GRID2: variants seen among roughly 807,000 people sequenced by gnomAD.
GRID2 encodes the protein glutamate ionotropic receptor delta type subunit 2.
In GRID2, 33 loss-of-function variants were observed where a neutral mutation model predicts 114.8. That is an observed-to-expected ratio of 0.29 (90% confidence interval 0.22 to 0.38). The LOEUF is 0.38. GRID2 is among the 10% of genes least tolerant of loss of function. The pLI, the probability that GRID2 is intolerant of heterozygous loss-of-function variation, is 1.00. For synonymous variants in GRID2, 505 were observed against 449.9 expected (o/e 1.12, Z -1.55); for missense variants, 1,184 against 1,257.7 (o/e 0.94, Z 0.89).
At chr4:93,678,025 T>C (rs1430953028) in intron 14 of GRID2, among the ~76,000 whole-genome samples, 2 of 151,954 alleles carry the variant, frequency 1.3e-5, no homozygotes, top group Non-Finnish European at 2.9e-5. Flanking sequence ...AGTTGAAAAC[T>C]TGGAAAAAAT....
intron 2 of GRID2, among the ~76,000 whole-genome samples, chr4:92,959,057 C>CTT (rs74267681): frequency 1.6e-4 from 11 of 70,856 alleles, no homozygotes; most frequent in African/African-American, 5.0e-4. Context: ...GTCCACTCTT[C>CTT]TTTTTTTTTT....
chr4:93,700,099 A>T (rs190396104), intron 14 of GRID2, among the ~76,000 whole-genome samples: 2 of 152,222 alleles, frequency 1.3e-5, no homozygotes, highest in East Asian at 3.9e-4. Context: ...TTACCCAAAG[A>T]TAGTTTAAGG....
chr4:93,784,908 G>A (rs767547238), intron 1 of GRID2, among the ~76,000 whole-genome samples: 7 of 152,176 alleles, frequency 4.6e-5, no homozygotes, highest in Non-Finnish European at 1.0e-4. Context: ...AAATAGTCCA[G>A]AGTATTTTGA....
chr4:92,794,905 T>TATATATATATATATATATATACAC (rs745392261), intron 2 of GRID2, among the ~76,000 whole-genome samples: 14 of 127,798 alleles, frequency 1.1e-4, no homozygotes, highest in African/African-American at 3.7e-4. Flanking sequence ...TATATATATA[T>TATATATATATATATATATATACAC]ACACACACAC....
In GRID2 at chr4:93,318,023, T is replaced by TATATATATATATATATA. The variant is rs1560493013; in HGVS notation, c.1246-77583_1246-77582insTATATATATATATATAA. On this transcript the variant is annotated intron_variant, in intron 8 of 15. Coordinates refer to ENST00000282020, the MANE Select transcript of GRID2 (RefSeq NM_001510.4). ...TATATATATATATATATATATATAT[T>TATATATATATATATATA]ACTACTTTCTTCAAGCAGTTGGTGA... Among the ~76,000 whole-genome samples, 10 of 70,818 alleles carry TATATATATATATATATA rather than the reference T, an allele frequency of 1.4e-4. No individual in the cohort carries two copies. In the Admixed American group the frequency reaches 1.4e-3, roughly 10 times the overall value. The allele number at this position is 70,818 out of a possible 152,430, so 46.5% of individuals were successfully genotyped here. A position where few individuals can be genotyped will look rare whatever the true frequency, so the allele number is the denominator to read the frequency against.
Position 92,869,792 on chromosome 4 carries a change from A to T in GRID2, c.245-215203A>T, listed in dbSNP as rs1448958620. Among the ~76,000 whole-genome samples the T allele has an allele frequency of 3.9e-5, 6 of 152,180 alleles. No individual in the cohort carries two copies. In the East Asian group the frequency reaches 1.2e-3, roughly 29 times the overall value. ...CTCTTCCCCTAAAAGTAGTCAGAGC[A>T]TGGTTGTGTCTTTCTCATCATTCAA... On this transcript the variant is annotated intron_variant, in intron 2 of 15. Coordinates refer to ENST00000282020, the MANE Select transcript of GRID2 (RefSeq NM_001510.4).
chr4:93,289,326 CT>C (rs147042816), intron 8 of GRID2, among the ~76,000 whole-genome samples: 28 of 151,944 alleles, frequency 1.8e-4, no homozygotes, highest in African/African-American at 6.0e-4. Flanking sequence ...TTTCTCCTGT[CT>C]TTTTTTTAAG....
At chr4:93,313,180 G>C (rs1024333739) in intron 8 of GRID2, among the ~76,000 whole-genome samples, 1 of 152,076 alleles carries the variant, frequency 6.6e-6, no homozygotes, top group Non-Finnish European at 1.5e-5. Flanking sequence ...CAGGAAAAAG[G>C]GACATTGACA....
At chr4:92,464,135 A>G (rs1297711502) in intron 1 of GRID2, among the ~76,000 whole-genome samples, 3 of 151,904 alleles carry the variant, frequency 2.0e-5, no homozygotes, top group Admixed American at 6.6e-5. Context: ...TTCCTATTCT[A>G]TCATGTATGT....
At chr4:93,353,872 C>T (rs906919337) in intron 8 of GRID2, among the ~76,000 whole-genome samples, 3 of 151,978 alleles carry the variant, frequency 2.0e-5, no homozygotes, top group African/African-American at 7.2e-5. Context: ...ATAATGTTCA[C>T]AGTAGCAAGA....
At chr4:93,799,740 T>C (rs1046386554) in intron 1 of GRID2, among the ~76,000 whole-genome samples, 1 of 152,204 alleles carries the variant, frequency 6.6e-6, no homozygotes, top group Non-Finnish European at 1.5e-5. Flanking sequence ...TGTTTCTTTA[T>C]GTAATTAAAA....
chr4:93,093,239 G>A (rs1029568048), intron 3 of GRID2, among the ~76,000 whole-genome samples: 5 of 151,966 alleles, frequency 3.3e-5, no homozygotes, highest in Non-Finnish European at 5.9e-5. Flanking sequence ...TCAGGCTTTC[G>A]GTTTCAGTTA....
intron 1 of GRID2, among the ~76,000 whole-genome samples, chr4:92,468,008 A>G (rs562901068): frequency 8.6e-5 from 13 of 152,010 alleles, no homozygotes; most frequent in Middle Eastern, 3.4e-3. Context: ...AAGCTGGATT[A>G]TCAATACTAT....
At chr4:93,633,406 T>G (rs1721120610) in intron 14 of GRID2, among the ~76,000 whole-genome samples, 1 of 152,114 alleles carries the variant, frequency 6.6e-6, no homozygotes, top group African/African-American at 2.4e-5. Flanking sequence ...ACTTTACCTC[T>G]TGTTTCCTAC....
At chr4:93,528,491 A>G (rs1286610930) in intron 13 of GRID2, among the ~76,000 whole-genome samples, 5 of 151,660 alleles carry the variant, frequency 3.3e-5, no homozygotes, top group Admixed American at 3.3e-4. Context: ...GGTATGGGAT[A>G]GAAATCATGT....
chr4:92,783,128 T>C (rs144111198), intron 2 of GRID2, among the ~76,000 whole-genome samples: 1 of 152,252 alleles, frequency 6.6e-6, no homozygotes, highest in African/African-American at 2.4e-5. Flanking sequence ...ATGTTATGCT[T>C]ATAAAATTAT....
At chr4:92,552,096 G>C (rs1419052376) in intron 1 of GRID2, among the ~76,000 whole-genome samples, 2 of 152,044 alleles carry the variant, frequency 1.3e-5, no homozygotes, top group Non-Finnish European at 2.9e-5. Context: ...TTCAAAATTG[G>C]AATTTAGATG....
chr4:92,897,650 T>A (rs1255554062), intron 2 of GRID2, among the ~76,000 whole-genome samples: 1 of 152,152 alleles, frequency 6.6e-6, no homozygotes, highest in African/African-American at 2.4e-5. Flanking sequence ...CTTCCCTAAT[T>A]TGAGAAAGTC....
chr4:93,486,879 C>A (rs1726462841), intron 11 of GRID2, among the ~76,000 whole-genome samples: 1 of 151,646 alleles, frequency 6.6e-6, no homozygotes, highest in African/African-American at 2.4e-5. Flanking sequence ...TTTTTTCTAA[C>A]TTCATGAAGA....
Sources: gnomAD v4.1 joint callset for allele counts (sites outside exome capture counted in the v4.1 genomes callset) on GRCh38, gnomAD v4.1.1 for gene constraint, MANE v1.5 for transcripts, NCBI Gene and HGNC (gene_info 2026-07-23, HGNC 2026-07-21) for gene names.